HECW1: variants seen among roughly 807,000 people sequenced by gnomAD.
The protein encoded by HECW1 is HECT, C2 and WW domain containing E3 ubiquitin protein ligase 1.
Under a neutral mutation model 182.3 loss-of-function variants are expected in HECW1, and 61 were observed. The observed-to-expected ratio is 0.33, with a 90% confidence interval of 0.27 to 0.41. The LOEUF (loss-of-function observed/expected upper bound fraction) is 0.41. Among genes scored for constraint, HECW1 ranks in the 10% least tolerant of loss-of-function variants. HECW1 has a pLI of 1.00. For missense variants in HECW1, 1,739 were observed against 2,108.9 expected (o/e 0.82, Z 3.44); for synonymous variants, 859 against 832.6 (o/e 1.03, Z -0.55).
intron 20 of HECW1, 99 bp downstream of exon 20, chr7:43,500,881 G>A (rs549347064): frequency 2.9e-5 from 29 of 992,694 alleles, no homozygotes; most frequent in Middle Eastern, 2.1e-4. Flanking sequence ...AAAACTCACC[G>A]CTTGTTCTAG....
intron 8 of HECW1, among the ~76,000 whole-genome samples, chr7:43,431,879 GCTTT>G (rs146165905): frequency 0.33 from 49,036 of 146,866 alleles, 8,464 homozygotes; most frequent in Middle Eastern, 0.48. Flanking sequence ...ACCGACACTT[GCTTT>G]TTTTTTTTTT....
At chr7:43,199,648 ATATCTAGATTAATATATT>A (rs950331374) in intron 2 of HECW1, among the ~76,000 whole-genome samples, 2 of 152,150 alleles carry the variant, frequency 1.3e-5, no homozygotes, top group African/African-American at 4.8e-5. Flanking sequence ...TATATGAGAA[ATATCTAGATTAATATATT>A]TTACAGTTGT....
At chr7:43,406,553 T>G (rs572014721) in intron 7 of HECW1, among the ~76,000 whole-genome samples, 6 of 152,314 alleles carry the variant, frequency 3.9e-5, no homozygotes, top group African/African-American at 1.2e-4. Context: ...TTTACCTCCA[T>G]TTGTTTCACT....
intron 24 of HECW1, among the ~76,000 whole-genome samples, chr7:43,519,003 A>G (rs1188463490): frequency 6.6e-6 from 1 of 152,196 alleles, no homozygotes; most frequent in Admixed American, 6.5e-5. Flanking sequence ...TTTAGCCCAT[A>G]AAGTTATCTC....
At chr7:43,275,741 A>ACCCTCCCC (rs1803054060) in intron 3 of HECW1, among the ~76,000 whole-genome samples, 1 of 72,424 alleles carries the variant, frequency 1.4e-5, no homozygotes, top group South Asian at 5.4e-4. Flanking sequence ...CTACCCTCCC[A>ACCCTCCCC]CCCTCCCCCA....
At chr7:43,438,203 A>T in intron 9 of HECW1, 58 bp downstream of exon 9, 1 of 1,521,884 alleles carries the variant, frequency 6.6e-7, no homozygotes, top group Non-Finnish European at 9.1e-7. Flanking sequence ...GTCGTGCCCA[A>T]AGGTGGCCTG....
chr7:43,191,612 CA>C (rs1250849059), intron 2 of HECW1, among the ~76,000 whole-genome samples: 82 of 152,288 alleles, frequency 5.4e-4, no homozygotes, highest in African/African-American at 1.9e-3. Flanking sequence ...CAGCATTTAG[CA>C]TATATGATCA....
intron 24 of HECW1, among the ~76,000 whole-genome samples, chr7:43,521,568 G>T (rs1340903686): frequency 1.3e-5 from 2 of 152,152 alleles, no homozygotes; most frequent in African/African-American, 4.8e-5. Context: ...AACCCCCAAG[G>T]TGATGGTATT....
chr7:43,168,615 G>A (rs557871291), intron 2 of HECW1, among the ~76,000 whole-genome samples: 1 of 152,166 alleles, frequency 6.6e-6, no homozygotes, highest in African/African-American at 2.4e-5. Context: ...AGCTGTGATT[G>A]TACCACTACA....
chr7:43,252,302 G>A (rs1168763696), intron 3 of HECW1, among the ~76,000 whole-genome samples: 5 of 152,178 alleles, frequency 3.3e-5, no homozygotes, highest in Admixed American at 6.5e-5. Flanking sequence ...GTGAGGAGTT[G>A]TCTGATGCTC....
chr7:43,183,649 G>A (rs1343045752), intron 2 of HECW1, among the ~76,000 whole-genome samples: 1 of 152,050 alleles, frequency 6.6e-6, no homozygotes. Context: ...TTCATACAAT[G>A]TTTACCTTGA....
rs1554440512 is a variant in HECW1, at chr7:43,488,436, G to GAAAGAA, written c.3235-3637_3235-3632dup. Among the ~76,000 whole-genome samples, 7 of 99,488 alleles carry GAAAGAA rather than the reference G, an allele frequency of 7.0e-5. 2 individuals carry two copies. The East Asian group carries it at 1.6e-3, about 22-fold the overall frequency. 65.3% of individuals were successfully genotyped at this position (99,488 alleles called of 152,430 possible). A position where few individuals can be genotyped will look rare whatever the true frequency, so the allele number is the denominator to read the frequency against. ...AGAGAGAGAGAGAAAGAAAGAAAGA[G>GAAAGAA]AAAGAAAGAAAGAAAGAAAGAAAGA... is the stretch of plus-strand genomic sequence containing the variant. On this transcript the variant is annotated intron_variant, in intron 17 of 29. Transcript: ENST00000395891.
intron 26 of HECW1, 92 bp downstream of exon 26, chr7:43,542,090 T>C (rs1332156273): frequency 2.6e-6 from 3 of 1,170,576 alleles, no homozygotes; most frequent in South Asian, 2.9e-5. Context: ...CATTTTTAAG[T>C]GTAGACTTCA....
chr7:43,284,738 T>G (rs1029920612), intron 3 of HECW1, among the ~76,000 whole-genome samples: 1 of 152,206 alleles, frequency 6.6e-6, no homozygotes, highest in Non-Finnish European at 1.5e-5. Context: ...ATTCTATTCT[T>G]AATAAAATAA....
intron 2 of HECW1, among the ~76,000 whole-genome samples, chr7:43,124,289 C>T (rs1170640254): frequency 1.3e-5 from 2 of 152,238 alleles, no homozygotes; most frequent in East Asian, 1.9e-4. Flanking sequence ...GGTATAAATT[C>T]GCAAATAGCT....
intron 8 of HECW1, among the ~76,000 whole-genome samples, chr7:43,426,157 ATGAG>A (rs1424074937): frequency 2.0e-5 from 3 of 152,202 alleles, no homozygotes; most frequent in Non-Finnish European, 4.4e-5. Flanking sequence ...GAGTTTTCCT[ATGAG>A]CACAAAAGTG....
chr7:43,344,371 T>C (rs1813405832), intron 5 of HECW1, among the ~76,000 whole-genome samples: 3 of 151,904 alleles, frequency 2.0e-5, no homozygotes, highest in African/African-American at 4.9e-5. Flanking sequence ...TGTTGACAGA[T>C]ATCTCCTTTC....
chr7:43,256,533 TG>T (rs1800595477), intron 3 of HECW1, among the ~76,000 whole-genome samples: 1 of 147,588 alleles, frequency 6.8e-6, no homozygotes, highest in Non-Finnish European at 1.5e-5. Flanking sequence ...CGCTTGAACC[TG>T]GGAGGCAGAG....
intron 2 of HECW1, among the ~76,000 whole-genome samples, chr7:43,149,483 A>T (rs866266323): frequency 2.0e-5 from 3 of 152,224 alleles, no homozygotes; most frequent in South Asian, 2.1e-4. Flanking sequence ...GAGGAGAGCA[A>T]GGAGACATAA....
Sources: gnomAD v4.1 joint callset for allele counts (sites outside exome capture counted in the v4.1 genomes callset) on GRCh38, gnomAD v4.1.1 for gene constraint, MANE v1.5 for transcripts, NCBI Gene and HGNC (gene_info 2026-07-23, HGNC 2026-07-21) for gene names.